FHIT: variants seen among roughly 807,000 people sequenced by gnomAD.
FHIT encodes the protein fragile histidine triad diadenosine triphosphatase, also known as bis(5'-adenosyl)-triphosphatase.
A neutral mutation model predicts 17.9 loss-of-function variants in FHIT; 19 were observed. That is an observed-to-expected ratio of 1.06 (90% CI 0.74 to 1.56). The LOEUF is 1.56. Among genes scored for constraint, FHIT ranks in the 40% most tolerant of loss-of-function variants. The pLI is 0.00. For missense variants in FHIT, 248 were observed against 189.2 expected, an observed-to-expected ratio of 1.31 and a Z score of -1.82; for synonymous variants, 81 against 69.7, an observed-to-expected ratio of 1.16 and a Z score of -0.81.
At chr3:60,355,318 G>C (rs1318808462) in intron 5 of FHIT, among the ~76,000 whole-genome samples, 1 of 152,072 alleles carries the variant, frequency 6.6e-6, no homozygotes, top group East Asian at 1.9e-4. Flanking sequence ...CCATCAATTG[G>C]AAGATTGTTT....
chr3:60,204,867 T>C (rs967479627), intron 5 of FHIT, among the ~76,000 whole-genome samples: 1 of 152,110 alleles, frequency 6.6e-6, no homozygotes, highest in African/African-American at 2.4e-5. Context: ...TTAAATCTAG[T>C]ACTTTCATGG....
chr3:60,652,727 C>CAAAAAAAAAAAAAAAAAAAAAAAAAA (rs782637479), intron 4 of FHIT, among the ~76,000 whole-genome samples: 1 of 59,018 alleles, frequency 1.7e-5, no homozygotes, highest in Non-Finnish European at 3.3e-5. Context: ...GACTCCATCT[C>CAAAAAAAAAAAAAAAAAAAAAAAAAA]AAAAAAAAAA....
At chr3:60,761,414 A>G (rs1699651600) in intron 4 of FHIT, among the ~76,000 whole-genome samples, 1 of 152,188 alleles carries the variant, frequency 6.6e-6, no homozygotes, top group Non-Finnish European at 1.5e-5. Flanking sequence ...AAATTTTAAG[A>G]CAGACACTGT....
At chr3:60,131,728 G>T (rs1699604966) in intron 5 of FHIT, among the ~76,000 whole-genome samples, 1 of 152,064 alleles carries the variant, frequency 6.6e-6, no homozygotes. Context: ...CAGTCTAGGA[G>T]AGACTCCAAT....
intron 8 of FHIT, among the ~76,000 whole-genome samples, chr3:59,763,420 T>A (rs1312645962): frequency 6.6e-6 from 1 of 152,222 alleles, no homozygotes; most frequent in Non-Finnish European, 1.5e-5. Flanking sequence ...GCAACTGGGT[T>A]GTCAAGATAA....
intron 5 of FHIT, among the ~76,000 whole-genome samples, chr3:60,348,198 A>G (rs1233306359): frequency 6.6e-6 from 1 of 152,232 alleles, no homozygotes; most frequent in Admixed American, 6.5e-5. Flanking sequence ...TGTTTGTTTA[A>G]CAAATCAATG....
chr3:60,412,865 G>A (rs1559892940), intron 5 of FHIT, among the ~76,000 whole-genome samples: 1 of 152,154 alleles, frequency 6.6e-6, no homozygotes, highest in African/African-American at 2.4e-5. Flanking sequence ...TAAGTTATCA[G>A]GAGATCTGGT....
chr3:61,201,192 A>G (rs2039001439), intron 1 of FHIT, among the ~76,000 whole-genome samples: 1 of 152,210 alleles, frequency 6.6e-6, no homozygotes. Context: ...CCCTTCCTGT[A>G]TGTAGACTGC....
intron 5 of FHIT, among the ~76,000 whole-genome samples, chr3:60,159,395 A>G (rs549889789): frequency 2.0e-5 from 3 of 152,326 alleles, no homozygotes; most frequent in African/African-American, 7.2e-5. Context: ...TGCTGGAATT[A>G]TAGGTGTGGG....
chr3:60,123,962 CTAAAAATATATATATATATATATA>C lies in FHIT; in HGVS notation c.104-109834_104-109811del, dbSNP rs1705374960. 1.3e-4 allele frequency among the ~76,000 whole-genome samples: 8 copies of C among 63,308 alleles called. 1 individual carries two copies. Among genetic ancestry groups the C allele is most frequent in the African/African-American group, 5.9e-4 (8 of 13,484 alleles). The allele number at this position is 63,308 out of a possible 152,430, so 41.5% of individuals were successfully genotyped here. A position where few individuals can be genotyped will look rare whatever the true frequency, so the allele number is the denominator to read the frequency against. On this transcript the variant is annotated intron_variant, in intron 5 of 9. Coordinates refer to ENST00000492590, the MANE Select transcript of FHIT (RefSeq NM_002012.4). The stretch of plus-strand genomic sequence containing the variant: ...TCTCACTTCCATTAACAGAAATGCA[CTAAAAATATATATATATATATATA>C]TATATATATATATATATATATATAG...
intron 5 of FHIT, among the ~76,000 whole-genome samples, chr3:60,474,619 C>A (rs1352586432): frequency 6.6e-6 from 1 of 151,308 alleles, no homozygotes; most frequent in Non-Finnish European, 1.5e-5. Context: ...ATTTTCAACA[C>A]AATACAATTT....
intron 5 of FHIT, among the ~76,000 whole-genome samples, chr3:60,023,211 G>T (rs1486988155): frequency 6.6e-6 from 1 of 152,202 alleles, no homozygotes; most frequent in African/African-American, 2.4e-5. Flanking sequence ...TTTGCTATGA[G>T]AATCATTTCA....
At chr3:60,025,983 G>A (rs1362793948) in intron 5 of FHIT, among the ~76,000 whole-genome samples, 1 of 152,096 alleles carries the variant, frequency 6.6e-6, no homozygotes, top group Non-Finnish European at 1.5e-5. Context: ...TGCAAATATA[G>A]CTCAGCATTT....
chr3:61,048,451 T>C (rs1055453137), intron 2 of FHIT, among the ~76,000 whole-genome samples: 4 of 152,274 alleles, frequency 2.6e-5, no homozygotes, highest in African/African-American at 9.6e-5. Flanking sequence ...TCAGTTAGAA[T>C]GACAATCATT....
chr3:59,951,045 T>C (rs191621101), intron 7 of FHIT, among the ~76,000 whole-genome samples: 85 of 152,342 alleles, frequency 5.6e-4, no homozygotes, highest in African/African-American at 2.0e-3. Flanking sequence ...AAGGCTTTAA[T>C]AGATACTAGT....
intron 3 of FHIT, among the ~76,000 whole-genome samples, chr3:60,878,400 C>A (rs1481877722): frequency 6.6e-6 from 1 of 152,042 alleles, no homozygotes. Flanking sequence ...GTTTAATTAT[C>A]CCCATTGTGA....
At chr3:60,566,701 T>G (rs1374346471) in intron 4 of FHIT, among the ~76,000 whole-genome samples, 1 of 152,142 alleles carries the variant, frequency 6.6e-6, no homozygotes, top group African/African-American at 2.4e-5. Context: ...ATTGTATATC[T>G]AGAAAACCCC....
At chr3:60,887,171 T>C (rs1705263848) in intron 3 of FHIT, among the ~76,000 whole-genome samples, 1 of 150,178 alleles carries the variant, frequency 6.7e-6, no homozygotes, top group South Asian at 2.1e-4. Context: ...GCCTTGGCCA[T>C]CTAAGAAGCT....
intron 4 of FHIT, among the ~76,000 whole-genome samples, chr3:60,621,144 A>T (rs868969404): frequency 7.2e-4 from 68 of 95,062 alleles, no homozygotes; most frequent in African/African-American, 2.2e-3. Flanking sequence ...TCTACTTTTG[A>T]TTTTTTTTTT....
Sources: gnomAD v4.1 joint callset for allele counts (sites outside exome capture counted in the v4.1 genomes callset) on GRCh38, gnomAD v4.1.1 for gene constraint, MANE v1.5 for transcripts, NCBI Gene and HGNC (gene_info 2026-07-23, HGNC 2026-07-21) for gene names.